The following SLC9A9 variants were observed in gnomAD, a reference collection of about 807,000 sequenced individuals.
SLC9A9 encodes the protein solute carrier family 9 member A9.
A neutral mutation model predicts 77.8 loss-of-function variants in SLC9A9; 62 were observed. That is an observed-to-expected ratio of 0.80 (90% confidence interval 0.65 to 0.98). SLC9A9 has a LOEUF of 0.98. Ranked by LOEUF, SLC9A9 falls within the 50% of genes least tolerant of loss-of-function variation. SLC9A9 has a pLI of 0.00. For missense variants in SLC9A9, 775 were observed against 774.9 expected (o/e 1.00, Z 0.00); for synonymous variants, 320 against 283.5 (o/e 1.13, Z -1.29).
intron 11 of SLC9A9, among the ~76,000 whole-genome samples, chr3:143,484,917 G>A (rs1258690147): frequency 6.6e-6 from 1 of 152,198 alleles, no homozygotes; most frequent in East Asian, 1.9e-4. Context: ...GGAAGTACCA[G>A]AAATTTGTTT....
intron 4 of SLC9A9, among the ~76,000 whole-genome samples, chr3:143,761,892 G>A (rs932206491): frequency 7.2e-5 from 11 of 152,112 alleles, no homozygotes; most frequent in Non-Finnish European, 1.5e-5. Flanking sequence ...ACATGCACAC[G>A]TATGTTTATT....
At chr3:143,411,426 G>A (rs2034094649) in intron 12 of SLC9A9, among the ~76,000 whole-genome samples, 2 of 152,070 alleles carry the variant, frequency 1.3e-5, no homozygotes, top group African/African-American at 4.8e-5. Context: ...GGTTAATATG[G>A]TAGATCCTCT....
chr3:143,565,523 T>G (rs1471865066), intron 8 of SLC9A9, among the ~76,000 whole-genome samples: 1 of 152,148 alleles, frequency 6.6e-6, no homozygotes, highest in African/African-American at 2.4e-5. Context: ...GAAGAGCTAT[T>G]TGGTTCAAGG....
intron 8 of SLC9A9, among the ~76,000 whole-genome samples, chr3:143,569,840 G>A (rs1355298714): frequency 1.3e-5 from 2 of 148,270 alleles, no homozygotes; most frequent in East Asian, 2.0e-4. Flanking sequence ...TGGAGACAGG[G>A]TATCTCTTTG....
At chr3:143,416,850 C>T (rs1039762562) in intron 12 of SLC9A9, among the ~76,000 whole-genome samples, 39 of 152,140 alleles carry the variant, frequency 2.6e-4, no homozygotes, top group African/African-American at 9.2e-4. Context: ...TGTCTACATG[C>T]ATTCGCACGT....
At chr3:143,840,805 C>T (rs534009141) in intron 1 of SLC9A9, among the ~76,000 whole-genome samples, 16 of 152,018 alleles carry the variant, frequency 1.1e-4, no homozygotes, top group African/African-American at 4.8e-5. Context: ...TGAGAGTGCA[C>T]GCTTTCAAAA....
intron 12 of SLC9A9, among the ~76,000 whole-genome samples, chr3:143,405,259 A>G (rs1420562718): frequency 6.6e-6 from 1 of 152,186 alleles, no homozygotes; most frequent in Non-Finnish European, 1.5e-5. Context: ...CATTTCAAAA[A>G]AACCTGAAGG....
chr3:143,354,494 G>T (rs2032539341), intron 14 of SLC9A9, among the ~76,000 whole-genome samples: 1 of 152,204 alleles, frequency 6.6e-6, no homozygotes, highest in Non-Finnish European at 1.5e-5. Context: ...CAGTCTGCGA[G>T]CTAGACCCAG....
At chr3:143,697,084 C>T (rs1180346383) in intron 4 of SLC9A9, among the ~76,000 whole-genome samples, 1 of 151,508 alleles carries the variant, frequency 6.6e-6, no homozygotes, top group African/African-American at 2.4e-5. Flanking sequence ...GAATGAATAA[C>T]ATAATACATA....
intron 6 of SLC9A9, among the ~76,000 whole-genome samples, chr3:143,601,071 CAAT>C (rs1477011694): frequency 6.6e-6 from 1 of 152,134 alleles, no homozygotes; most frequent in Non-Finnish European, 1.5e-5. Flanking sequence ...GAAACAGTCT[CAAT>C]AATGACAGTG....
At chr3:143,508,945 T>G (rs1249295368) in intron 9 of SLC9A9, among the ~76,000 whole-genome samples, 1 of 152,204 alleles carries the variant, frequency 6.6e-6, no homozygotes, top group Non-Finnish European at 1.5e-5. Flanking sequence ...ATATTAAAAC[T>G]CTTAATTTTT....
At chr3:143,528,049 G>C (rs2036434441) in intron 9 of SLC9A9, among the ~76,000 whole-genome samples, 1 of 152,166 alleles carries the variant, frequency 6.6e-6, no homozygotes, top group African/African-American at 2.4e-5. Context: ...GAGAGAAATG[G>C]AGAAAATCAT....
At chr3:143,808,709 T>G (rs909413413) in intron 2 of SLC9A9, among the ~76,000 whole-genome samples, 4 of 152,164 alleles carry the variant, frequency 2.6e-5, no homozygotes, top group African/African-American at 9.7e-5. Context: ...CATCCTAAGC[T>G]CCTTGACTTG....
At chr3:143,435,509 T>C (rs375990845) in intron 12 of SLC9A9, among the ~76,000 whole-genome samples, 8 of 152,322 alleles carry the variant, frequency 5.3e-5, no homozygotes, top group Admixed American at 2.6e-4. Flanking sequence ...TATGGCAAAC[T>C]TTACTATTCA....
chr3:143,523,953 T>C (rs184118393), intron 9 of SLC9A9, among the ~76,000 whole-genome samples: 6 of 152,286 alleles, frequency 3.9e-5, no homozygotes, highest in Admixed American at 3.3e-4. Context: ...AACAATGATA[T>C]CTAATGGTAC....
chr3:143,501,767 A>G (rs1275936921), intron 9 of SLC9A9, among the ~76,000 whole-genome samples: 1 of 150,928 alleles, frequency 6.6e-6, no homozygotes. Flanking sequence ...TTGAATGAAC[A>G]GTCTTCATAA....
chr3:143,506,079 T>G (rs1302901327), intron 9 of SLC9A9, among the ~76,000 whole-genome samples: 2 of 152,234 alleles, frequency 1.3e-5, no homozygotes, highest in Non-Finnish European at 2.9e-5. Context: ...TAGCTTCTCA[T>G]GTTGGCACCT....
At chr3:143,276,844 C>T (rs577674801) in intron 14 of SLC9A9, among the ~76,000 whole-genome samples, 1 of 136,954 alleles carries the variant, frequency 7.3e-6, no homozygotes, top group East Asian at 2.0e-4. Context: ...CATGACATTT[C>T]AGAGAGTTTT....
chr3:143,629,597 G>A (rs1430709967), intron 6 of SLC9A9, among the ~76,000 whole-genome samples: 3 of 151,562 alleles, frequency 2.0e-5, no homozygotes, highest in Admixed American at 2.0e-4. Flanking sequence ...GTGTGTGTAT[G>A]TGTGTAGTGG....
Sources: gnomAD v4.1 joint callset for allele counts (sites outside exome capture counted in the v4.1 genomes callset) on GRCh38, gnomAD v4.1.1 for gene constraint, MANE v1.5 for transcripts, NCBI Gene and HGNC (gene_info 2026-07-23, HGNC 2026-07-21) for gene names.